TSNARE1: variants seen among roughly 807,000 people sequenced by gnomAD.
TSNARE1 encodes t-SNARE domain containing 1, also known as t-SNARE domain-containing protein 1.
TSNARE1 carries 49 observed loss-of-function variants against 62.0 expected under a neutral mutation model. The observed-to-expected ratio is 0.79, with a 90% confidence interval of 0.63 to 1.00. TSNARE1 has a LOEUF of 1.00. Among genes scored for constraint, TSNARE1 ranks in the 50% least tolerant of loss-of-function variants. The pLI, the probability that TSNARE1 is intolerant of heterozygous loss-of-function variation, is 0.00. For synonymous variants in TSNARE1, 328 were observed against 294.4 expected (o/e 1.11, Z -1.17); for missense variants, 755 against 700.1 (o/e 1.08, Z -0.88).
chr8:142,223,039 C>CTCATTCACTCAT (rs1554624309), intron 13 of TSNARE1, among the ~76,000 whole-genome samples: 1 of 92,424 alleles, frequency 1.1e-5, no homozygotes, highest in East Asian at 3.3e-4. Context: ...CACTCATTCA[C>CTCATTCACTCAT]TCACTCACTC....
chr8:142,329,722 G>A (rs1024861242), intron 6 of TSNARE1, among the ~76,000 whole-genome samples: 8 of 152,208 alleles, frequency 5.3e-5, no homozygotes. Context: ...AGGAAGGCTG[G>A]AGGGAACACC....
chr8:142,256,479 TCAC>T (rs1469293196), intron 12 of TSNARE1, among the ~76,000 whole-genome samples: 1 of 136,874 alleles, frequency 7.3e-6, no homozygotes, highest in Non-Finnish European at 1.6e-5. Context: ...ACCATCACTA[TCAC>T]CACCACCATC....
upstream of TSNARE1, chr8:142,403,216 C>T (rs1396224040): frequency 6.6e-6 from 1 of 150,684 alleles, no homozygotes; most frequent in Non-Finnish European, 1.5e-5. Context: ...TGCGCGCCCC[C>T]TCCCGCACCA....
chr8:142,215,573 C>T (rs1815793617), intron 13 of TSNARE1, among the ~76,000 whole-genome samples: 5 of 152,294 alleles, frequency 3.3e-5, no homozygotes, highest in Admixed American at 1.3e-4. Flanking sequence ...GGCCCAGCCT[C>T]GAACCTGAGA....
chr8:142,277,599 A>G (rs182588745), intron 11 of TSNARE1: 22 of 985,164 alleles, frequency 2.2e-5, no homozygotes, highest in Non-Finnish European at 2.5e-5. Context: ...CGCCCACAAG[A>G]GGAAGTCTGG....
chr8:142,290,917 T>C (rs1326441953), intron 10 of TSNARE1, among the ~76,000 whole-genome samples: 1 of 152,218 alleles, frequency 6.6e-6, no homozygotes, highest in Non-Finnish European at 1.5e-5. Flanking sequence ...GAGATGGGCT[T>C]GGCGAGGGAA....
At chr8:142,373,373 G>A (rs547368692) in intron 1 of TSNARE1, among the ~76,000 whole-genome samples, 1 of 152,310 alleles carries the variant, frequency 6.6e-6, no homozygotes, top group African/African-American at 2.4e-5. Context: ...CTGGCGGCTG[G>A]GAGAGAGGAG....
At chr8:142,377,474 T>G (rs1836427639) in intron 1 of TSNARE1, among the ~76,000 whole-genome samples, 1 of 152,172 alleles carries the variant, frequency 6.6e-6, no homozygotes, top group Non-Finnish European at 1.5e-5. Context: ...AATAAGGCCC[T>G]CCTACAAATT....
At position 142,319,057 on chromosome 8, in the gene TSNARE1, G is replaced by A. The variant is rs1829061434; in HGVS notation, c.894-423C>T. Among the ~76,000 whole-genome samples the A allele has an allele frequency of 6.6e-6, 1 of 151,916 alleles. No homozygotes were observed. Among genetic ancestry groups the A allele is most frequent in the South Asian group, 2.1e-4 (1 of 4,816 alleles). On this transcript the variant is annotated intron_variant, in intron 6 of 13. Coordinates refer to ENST00000524325, the MANE Select transcript of TSNARE1 (RefSeq NM_145003.5). The surrounding 1 kb of genome is among the most constrained non-coding windows in gnomAD (Gnocchi z 4.9). ...CAGTGGGGGCAGAAAGGCAGGCAGAGAGAGACGGCGCAGGTAAGCTCTGGC... is the reference window on the plus strand; with the variant it reads ...CAGTGGGGGCAGAAAGGCAGGCAGAAAGAGACGGCGCAGGTAAGCTCTGGC...
In TSNARE1 at chr8:142,280,386, G is replaced by A; in HGVS notation, c.1363+4027C>T. On this transcript the variant is annotated intron_variant, in intron 11 of 13. Coordinates refer to ENST00000524325, the MANE Select transcript of TSNARE1 (RefSeq NM_145003.5). ...CCCTGGGGAGAGCAGCCAGGTTCGG[G>A]GTCACAGGTCATCACAGGCCCTGCA... The A allele has an allele frequency of 4.2e-6, 4 of 942,558 alleles. No individual in the cohort carries two copies. In the South Asian group the frequency reaches 1.5e-4, roughly 35 times the overall value. 58.4% of individuals were successfully genotyped at this position (942,558 alleles called of 1,614,324 possible). A position where few individuals can be genotyped will look rare whatever the true frequency, so the allele number is the denominator to read the frequency against.
chr8:142,242,055 T>G (rs2130193634), intron 12 of TSNARE1, among the ~76,000 whole-genome samples: 1 of 152,052 alleles, frequency 6.6e-6, no homozygotes, highest in African/African-American at 2.4e-5. Context: ...GACCTAAAAC[T>G]CTAAAACTAC....
intron 4 of TSNARE1, among the ~76,000 whole-genome samples, chr8:142,338,512 C>G (rs113462725): frequency 4.6e-4 from 55 of 120,700 alleles, no homozygotes; most frequent in African/African-American, 1.3e-3. Context: ...CAGGCTGCCT[C>G]GACCACTGGG....
chr8:142,390,912 CT>C, intron 1 of TSNARE1, among the ~76,000 whole-genome samples: 2 of 111,900 alleles, frequency 1.8e-5, no homozygotes, highest in Admixed American at 1.6e-4. Context: ...CTGTACACTG[CT>C]GGGGACTCTG....
chr8:142,403,920 T>C (rs1319501741), upstream of TSNARE1: 3 of 152,298 alleles, frequency 2.0e-5, no homozygotes, highest in Non-Finnish European at 2.9e-5. Flanking sequence ...GGTGACCTGC[T>C]GGAGAAGACA....
chr8:142,395,081 G>A (rs1837803699), intron 1 of TSNARE1, among the ~76,000 whole-genome samples: 2 of 152,202 alleles, frequency 1.3e-5, no homozygotes, highest in Non-Finnish European at 2.9e-5. Flanking sequence ...GCTCCTGGCA[G>A]GGAAGGGGGG....
chr8:142,330,709 G>C (rs570611554), intron 6 of TSNARE1, among the ~76,000 whole-genome samples, 192 bp downstream of exon 6: 1 of 152,350 alleles, frequency 6.6e-6, no homozygotes, highest in East Asian at 1.9e-4. Flanking sequence ...TGAGGGCCCA[G>C]TCTCAGGTTC....
chr8:142,280,997 G>A (rs1294745648), intron 11 of TSNARE1, among the ~76,000 whole-genome samples: 2 of 152,216 alleles, frequency 1.3e-5, no homozygotes, highest in Admixed American at 6.5e-5. Context: ...TTGAGCCGCA[G>A]TCACTCTTCT....
Position 142,280,596 on chromosome 8 carries a change from C to A in TSNARE1, c.1363+3817G>T, listed in dbSNP as rs751545521. Among the ~76,000 whole-genome samples, 13 of 152,194 alleles carry A rather than the reference C, an allele frequency of 8.5e-5. 1 individual carries two copies. Among genetic ancestry groups the A allele is most frequent in the South Asian group, 6.2e-4 (3 of 4,830 alleles). On this transcript the variant is annotated intron_variant, in intron 11 of 13. Coordinates refer to ENST00000524325, the MANE Select transcript of TSNARE1 (RefSeq NM_145003.5). ...CAGCCCTGGTTTGTCCCCCTCCCCA[C>A]GACTGCTCCCTTCCCTGAACTGCTG...
chr8:142,344,915 G>C (rs1346292772), intron 3 of TSNARE1, among the ~76,000 whole-genome samples: 2 of 152,216 alleles, frequency 1.3e-5, no homozygotes, highest in African/African-American at 4.8e-5. Flanking sequence ...CCTGCCCACA[G>C]CACAACTAAG....
Sources: gnomAD v4.1 joint callset for allele counts (sites outside exome capture counted in the v4.1 genomes callset) on GRCh38, gnomAD v4.1.1 for gene constraint, Gnocchi (gnomAD v3.1) non-coding constraint, MANE v1.5 for transcripts, NCBI Gene and HGNC (gene_info 2026-07-23, HGNC 2026-07-21) for gene names.